PTCH1: variants seen among roughly 807,000 people sequenced by gnomAD.
The protein encoded by PTCH1 is patched 1.
In PTCH1, 14 loss-of-function variants were observed where a neutral mutation model predicts 144.6. The observed-to-expected ratio is 0.10, with a 90% CI of 0.06 to 0.15. PTCH1 has a LOEUF of 0.15. Ranked by LOEUF, PTCH1 falls within the 10% of genes least tolerant of loss-of-function variation. PTCH1 has a pLI of 1.00. For missense variants in PTCH1, 1,623 were observed against 1,948.3 expected, an observed-to-expected ratio of 0.83 and a Z score of 3.14; for synonymous variants, 833 against 793.6, an observed-to-expected ratio of 1.05 and a Z score of -0.83.
Position 95,482,626 on chromosome 9 carries a change from A to G in PTCH1, c.585-423T>C, listed in dbSNP as rs1255417503. On this transcript the variant is annotated intron_variant, in intron 3 of 23. Transcript: ENST00000331920. ...AGGTGCGGAGATGTTTTACTGGCAG[A>G]TCATGTCCTTAATAGGTAGTATTCA... 1.4e-5 allele frequency: 4 copies of G among 283,534 alleles called. No individual in the cohort carries two copies. In the East Asian group the frequency reaches 3.9e-4, roughly 28 times the overall value. The allele number at this position is 283,534 out of a possible 1,614,324, so 17.6% of individuals were successfully genotyped here. A position where few individuals can be genotyped will look rare whatever the true frequency, so the allele number is the denominator to read the frequency against.
At chr9:95,481,637 C>T (rs995126895) in intron 5 of PTCH1, among the ~76,000 whole-genome samples, 14 of 152,218 alleles carry the variant, frequency 9.2e-5, no homozygotes, top group African/African-American at 2.9e-4. Flanking sequence ...GCCTCGTCTT[C>T]GAAACTACGA....
chr9:95,486,885 C>T (rs1842010968), intron 2 of PTCH1, among the ~76,000 whole-genome samples: 2 of 152,188 alleles, frequency 1.3e-5, no homozygotes, highest in Admixed American at 1.3e-4. Context: ...CTCCCCCACT[C>T]CACAGTCTAG....
rs756224406 is a variant in PTCH1 at position 95,506,462 on chromosome 9, C to G, written c.339G>C (p.Ala113=). Residue 113 remains alanine (A), a synonymous_variant, in exon 2 of 24, where the codon GCG becomes GCC. Coordinates refer to ENST00000331920, the MANE Select transcript of PTCH1 (RefSeq NM_000264.5). ...VVGLLIFGAF[A]VGLKAANLET... is the part of the protein sequence containing the mutation. Reference sequence around the variant, plus strand: ...CGAGGTTCGCTGCTTTTAATCCCACCGCGAAGGCCCCAAATATGAGGAGGC... The same window carrying G: ...CGAGGTTCGCTGCTTTTAATCCCACGGCGAAGGCCCCAAATATGAGGAGGC... The G allele has an allele frequency of 1.5e-5, 25 of 1,613,200 alleles. No individual in the cohort carries two copies. Among genetic ancestry groups the G allele is most frequent in the Non-Finnish European group, 2.0e-5 (24 of 1,179,680 alleles).
At chr9:95,477,927 A>G in intron 9 of PTCH1, 128 bp downstream of exon 9, 1 of 1,540,976 alleles carries the variant, frequency 6.5e-7, no homozygotes, top group East Asian at 2.3e-5. Flanking sequence ...CTGTGAAGCC[A>G]CGCTCTCTCT....
At chr9:95,478,719 G>GCACA (rs1841290248) in intron 8 of PTCH1, among the ~76,000 whole-genome samples, 1 of 152,088 alleles carries the variant, frequency 6.6e-6, no homozygotes, top group African/African-American at 2.4e-5. Context: ...AGACACCTTT[G>GCACA]CTAACCAAGT....
intron 6 of PTCH1, 33 bp from the exon 7 acceptor site, chr9:95,480,123 A>T (rs2118398409): frequency 6.2e-7 from 1 of 1,613,396 alleles, no homozygotes; most frequent in East Asian, 2.2e-5. Context: ...TAATTATGGG[A>T]ATTAGTAGGC....
intron 16 of PTCH1, among the ~76,000 whole-genome samples, chr9:95,461,516 GA>G (rs1839453661): frequency 6.6e-6 from 1 of 152,148 alleles, no homozygotes; most frequent in Non-Finnish European, 1.5e-5. Context: ...ACAAGGTACC[GA>G]GTCCTAGAAC....
chr9:95,467,507 C>A (rs1840122860), intron 14 of PTCH1, 82 bp from the exon 15 acceptor site: 2 of 1,416,434 alleles, frequency 1.4e-6, no homozygotes, highest in Admixed American at 1.9e-5. Context: ...CTAGTTAATA[C>A]CTTGTTTTCA....
chr9:95,516,687 T>C (rs1257769790), exon 1 of PTCH1: 2 of 1,613,200 alleles, frequency 1.2e-6, no homozygotes, highest in East Asian at 2.2e-5. Context: ...TTCTTCTTCT[T>C]CTTCTCCTCC....
intron 12 of PTCH1, among the ~76,000 whole-genome samples, chr9:95,472,939 G>C (rs1160718234): frequency 6.6e-6 from 1 of 152,240 alleles, no homozygotes; most frequent in Non-Finnish European, 1.5e-5. Flanking sequence ...TACTGCAACT[G>C]TGAATCAATT....
At chr9:95,446,785 T>G in intron 23 of PTCH1, 126 bp downstream of exon 23, 2 of 1,272,646 alleles carry the variant, frequency 1.6e-6, no homozygotes, top group South Asian at 2.4e-5. Flanking sequence ...AAAAGGTCAC[T>G]GGGGTCCAGC....
At chr9:95,507,168 A>G in intron 1 of PTCH1, 1 of 985,494 alleles carries the variant, frequency 1.0e-6, no homozygotes. Context: ...ACGCATTTCC[A>G]TAGCGTGGGG....
At chr9:95,507,426 CCA>C (rs1440315213) in intron 1 of PTCH1, 7 of 985,368 alleles carry the variant, frequency 7.1e-6, no homozygotes, top group South Asian at 4.7e-5. Context: ...TCCCTGGATT[CCA>C]CACATTTCAG....
chr9:95,486,013 T>C, intron 2 of PTCH1, 139 bp from the exon 3 acceptor site: 1 of 917,422 alleles, frequency 1.1e-6, no homozygotes, highest in Admixed American at 2.0e-5. Context: ...AGCAGTAACA[T>C]TCACTTTATT....
chr9:95,513,191 TTGG>T (rs1314603056), upstream of PTCH1, among the ~76,000 whole-genome samples: 3 of 152,252 alleles, frequency 2.0e-5, no homozygotes, highest in Admixed American at 6.5e-5. Flanking sequence ...GAAGCCAGAC[TTGG>T]TGGAGTTATG....
intron 19 of PTCH1, among the ~76,000 whole-genome samples, chr9:95,455,901 C>CT (rs1018586558): frequency 3.9e-5 from 6 of 152,204 alleles, no homozygotes; most frequent in African/African-American, 1.4e-4. Context: ...TTTTAAAACT[C>CT]TGTGTATGCC....
At position 95,479,251 on chromosome 9, in the gene PTCH1, T is replaced by G; in HGVS notation, c.1068-104A>C. 2.8e-6 allele frequency: 4 copies of G among 1,437,342 alleles called. No individual in the cohort carries two copies. In the South Asian group the frequency reaches 3.5e-5, roughly 12 times the overall value. 89.0% of individuals were successfully genotyped at this position (1,437,342 alleles called of 1,614,324 possible). On this transcript the variant is annotated intron_variant, in intron 7 of 23. Transcript: ENST00000331920. Reference sequence around the variant, plus strand: ...TCCCCCAACTCACTGGCTGCAATTCTTTTCCTTCTCTGTGAGCACATGTTT... The same window carrying G: ...TCCCCCAACTCACTGGCTGCAATTCGTTTCCTTCTCTGTGAGCACATGTTT...
At chr9:95,497,043 C>G (rs1336323508) in intron 2 of PTCH1, among the ~76,000 whole-genome samples, 1 of 152,316 alleles carries the variant, frequency 6.6e-6, no homozygotes, top group Non-Finnish European at 1.5e-5. Flanking sequence ...TTTATCATCA[C>G]TATTTCTTAA....
chr9:95,516,807 T>C, exon 1 of PTCH1: 3 of 1,610,350 alleles, frequency 1.9e-6, no homozygotes, highest in Non-Finnish European at 1.7e-6. Flanking sequence ...CCTGTTTCTA[T>C]TAAGCAGTTC....
Sources: allele counts gnomAD v4.1 joint callset (sites outside exome capture counted in the v4.1 genomes callset), GRCh38; gene constraint gnomAD v4.1.1; transcripts MANE v1.5; gene names NCBI Gene and HGNC (gene_info 2026-07-23, HGNC 2026-07-21).